The following TBXAS1 variants were observed in gnomAD, a reference collection of about 807,000 sequenced individuals.
TBXAS1 encodes thromboxane-A synthase.
Under a neutral mutation model 60.7 loss-of-function variants are expected in TBXAS1, and 48 were observed. The observed-to-expected ratio is 0.79, with a 90% CI of 0.63 to 1.01. The LOEUF (loss-of-function observed/expected upper bound fraction) is 1.01. Among genes scored for constraint, TBXAS1 ranks in the 50% least tolerant of loss-of-function variants. TBXAS1 has a pLI of 0.00. For missense variants in TBXAS1, 685 were observed against 686.3 expected, an observed-to-expected ratio of 1.00 and a Z score of 0.02; for synonymous variants, 287 against 269.7, an observed-to-expected ratio of 1.06 and a Z score of -0.63.
intron 4 of TBXAS1, among the ~76,000 whole-genome samples, chr7:139,819,516 T>G (rs1798238523): frequency 1.3e-5 from 2 of 152,346 alleles, no homozygotes; most frequent in Middle Eastern, 6.8e-3. Context: ...GTTTGTTTTT[T>G]GTTTGAGATG....
chr7:139,949,236 A>T (rs1438176683), intron 5 of TBXAS1, among the ~76,000 whole-genome samples: 1 of 152,186 alleles, frequency 6.6e-6, no homozygotes, highest in Non-Finnish European at 1.5e-5. Context: ...TGTGTAAATC[A>T]CATTTTATGT....
At chr7:140,019,970 G>A in intron 12 of TBXAS1, 55 bp from the exon 13 acceptor site, 1 of 1,555,462 alleles carries the variant, frequency 6.4e-7, no homozygotes, top group South Asian at 1.1e-5. Context: ...GTCTTCATTT[G>A]TACAGTGAGA....
rs775711215 is a variant in TBXAS1, at chr7:140,015,780, C to T, written c.1284C>T (p.Gly428=). ...CEVLGQRIPA[G]AVLEMAVGAL... ...TGCTGGGGCAGCGCATCCCCGCAGG[C>T]GCTGTGCTAGAGATGGCCGTGGGTG... Residue 428 remains glycine, a synonymous_variant, in exon 11 of 13, where the codon GGC becomes GGT. Transcript: ENST00000448866. 1.9e-5 allele frequency: 31 copies of T among 1,613,572 alleles called. No homozygotes were observed. The East Asian group carries it at 2.7e-4, about 14-fold the overall frequency.
At chr7:139,991,126 C>T (rs146339002) in intron 9 of TBXAS1, among the ~76,000 whole-genome samples, 400 of 152,318 alleles carry the variant, frequency 2.6e-3, no homozygotes, top group Non-Finnish European at 4.3e-3. Flanking sequence ...TCCAATAAAA[C>T]GGCACTAAAT....
chr7:139,990,683 ACCCCCGGCACTGTGCTCTCCCTG>A (rs1812824924), intron 9 of TBXAS1, among the ~76,000 whole-genome samples: 1 of 70,280 alleles, frequency 1.4e-5, no homozygotes, highest in South Asian at 5.3e-4. Flanking sequence ...CACCCTCCCC[ACCCCCGGCACTGTGCTCTCCCTG>A]CCCCCACTAC....
intron 4 of TBXAS1, among the ~76,000 whole-genome samples, chr7:139,920,723 T>G (rs1330309038): frequency 6.6e-6 from 1 of 152,108 alleles, no homozygotes; most frequent in Non-Finnish European, 1.5e-5. Flanking sequence ...TCTTAACACC[T>G]CTCTTAAAAT....
Position 139,961,996 on chromosome 7 carries a change from C to T in TBXAS1, c.897C>T (p.Ile299=), listed in dbSNP as rs1256031261. 3.1e-6 allele frequency: 5 copies of T among 1,614,132 alleles called. No homozygotes were observed. Among genetic ancestry groups the T allele is most frequent in the Non-Finnish European group, 4.2e-6 (5 of 1,180,050 alleles). ...ASPMGVQDFD[I]VRDVFSSTGC... is the part of the protein sequence containing the mutation. ...CCATGGGCGTGCAAGACTTTGACATCGTCAGAGACGTTTTCTCCTCTACTG... is the reference window on the plus strand; with the variant it reads ...CCATGGGCGTGCAAGACTTTGACATTGTCAGAGACGTTTTCTCCTCTACTG... Residue 299 remains isoleucine (I), a synonymous_variant, in exon 9 of 13, where the codon ATC becomes ATT. Transcript: ENST00000448866.
intron 6 of TBXAS1, among the ~76,000 whole-genome samples, chr7:139,954,583 G>A (rs1809686948): frequency 6.6e-6 from 1 of 152,222 alleles, no homozygotes; most frequent in African/African-American, 2.4e-5. Flanking sequence ...GGAGTTAAGT[G>A]TGTGCCTACA....
chr7:139,925,709 C>T (rs1806827249), intron 4 of TBXAS1, among the ~76,000 whole-genome samples: 1 of 152,138 alleles, frequency 6.6e-6, no homozygotes, highest in Admixed American at 6.5e-5. Flanking sequence ...AGTGGGCATC[C>T]TTGTCATGTT....
intron 1 of TBXAS1, among the ~76,000 whole-genome samples, chr7:139,871,078 A>C (rs1801789907): frequency 1.3e-5 from 2 of 152,134 alleles, no homozygotes; most frequent in African/African-American, 4.8e-5. Flanking sequence ...TAAATAAAGA[A>C]ATAAATAGCA....
At chr7:139,971,488 A>G (rs1214828623) in intron 9 of TBXAS1, among the ~76,000 whole-genome samples, 3 of 152,156 alleles carry the variant, frequency 2.0e-5, no homozygotes, top group African/African-American at 4.8e-5. Flanking sequence ...ATGCACACAA[A>G]CTTATCTTAG....
At chr7:139,835,740 C>T (rs1799014782) in intron 1 of TBXAS1, among the ~76,000 whole-genome samples, 1 of 152,086 alleles carries the variant, frequency 6.6e-6, no homozygotes, top group Non-Finnish European at 1.5e-5. Context: ...TCCACTCTCA[C>T]CACTCCTCTT....
At chr7:139,952,465 G>T in intron 5 of TBXAS1, 1 of 1,422,858 alleles carries the variant, frequency 7.0e-7, no homozygotes, top group South Asian at 1.4e-5. Flanking sequence ...GAAATGCTCA[G>T]AATGATGTAT....
rs534627873 is a variant in TBXAS1, at chr7:139,822,519, T to A, written c.-79-6793T>A. On this transcript the variant is annotated intron_variant, in intron 4 of 16. Coordinates refer to the TBXAS1 transcript ENST00000336425. ...CTCCTGACCTCTACAGATCTGGCCA[T>A]CTCCCGAGCATCTTAATCTGTGGGG... Among the ~76,000 whole-genome samples, 143 of 152,274 alleles carry A rather than the reference T, an allele frequency of 9.4e-4. 1 individual carries two copies. The highest frequency in any genetic ancestry group is 6.8e-3 in the Middle Eastern group (2 of 294).
intron 9 of TBXAS1, among the ~76,000 whole-genome samples, chr7:139,981,106 T>G (rs1811942107): frequency 6.6e-6 from 1 of 152,142 alleles, no homozygotes; most frequent in Non-Finnish European, 1.5e-5. Flanking sequence ...TGTTGTTTTG[T>G]TTTTGTTATT....
Position 139,955,556 on chromosome 7 carries a change from T to G in TBXAS1, c.637T>G (p.Cys213Gly). 2 of 1,614,218 alleles carry G rather than the reference T, an allele frequency of 1.2e-6. No homozygotes were observed. The highest frequency in any genetic ancestry group is 1.1e-5 in the South Asian group (1 of 91,088). Residue 213 changes from cysteine (C) to glycine (G), a missense_variant, in exon 7 of 13, where the codon TGC becomes GGC. Transcript: ENST00000448866. ...QAPEDPFVKH[C>G]KRFFEFCIPR... is the part of the protein sequence containing the mutation. The stretch of plus-strand genomic sequence containing the variant: ...CCCTGAGGATCCCTTTGTGAAACAC[T>G]GCAAGCGTTTCTTCGAATTCTGCAT...
At chr7:139,847,433 A>G (rs368100245) in intron 1 of TBXAS1, among the ~76,000 whole-genome samples, 4 of 152,150 alleles carry the variant, frequency 2.6e-5, no homozygotes, top group East Asian at 3.9e-4. Context: ...GCCCTTACCC[A>G]CATCATTTTC....
At chr7:139,906,070 C>CTTTT in intron 3 of TBXAS1, 7 of 356,898 alleles carry the variant, frequency 2.0e-5, no homozygotes, top group South Asian at 4.2e-5. Flanking sequence ...ACTCTAGCAT[C>CTTTT]TTTTTTTTTT....
intron 5 of TBXAS1, among the ~76,000 whole-genome samples, chr7:139,946,439 A>G (rs1346147234): frequency 2.6e-5 from 4 of 152,240 alleles, no homozygotes; most frequent in Admixed American, 6.5e-5. Flanking sequence ...AAAGATGCTT[A>G]GGCTATAGTC....
Sources: allele counts gnomAD v4.1 joint callset (sites outside exome capture counted in the v4.1 genomes callset), GRCh38; gene constraint gnomAD v4.1.1; transcripts MANE v1.5; gene names NCBI Gene and HGNC (gene_info 2026-07-23, HGNC 2026-07-21).